MAGI1: variants seen among roughly 807,000 people sequenced by gnomAD.
MAGI1 encodes the protein membrane-associated guanylate kinase, WW and PDZ domain-containing protein 1.
A neutral mutation model predicts 139.9 loss-of-function variants in MAGI1; 58 were observed. That is an observed-to-expected ratio of 0.41 (90% confidence interval 0.34 to 0.52). The LOEUF (loss-of-function observed/expected upper bound fraction) is 0.52. Ranked by LOEUF, MAGI1 falls within the 20% of genes least tolerant of loss-of-function variation. MAGI1 has a pLI of 0.12. For missense variants in MAGI1, 1,874 were observed against 1,901.6 expected (o/e 0.99, Z 0.27); for synonymous variants, 812 against 737.9 (o/e 1.10, Z -1.63).
rs111453368 is a variant in MAGI1, at chr3:65,837,127, A to C, written c.313+200869T>G. Among the ~76,000 whole-genome samples, 544 of 152,294 alleles carry C rather than the reference A, an allele frequency of 3.6e-3. 4 individuals are homozygous for C. The highest frequency in any genetic ancestry group is 0.012 in the African/African-American group (519 of 41,568). On this transcript the variant is annotated intron_variant, in intron 1 of 22. Transcript: ENST00000402939. ...TTTCTTCAATGCAAAAAAAATAAAAAAATAAAAAACACAGAACTTGCTTCT... is the reference window on the plus strand; with the variant it reads ...TTTCTTCAATGCAAAAAAAATAAAACAATAAAAAACACAGAACTTGCTTCT...
In MAGI1 at chr3:65,429,971, C is replaced by A; in HGVS notation, c.1716G>T (p.Ser572=). The change falls in exon 12 of 23, where the codon TCG becomes TCT. Residue 572 remains serine (S), a synonymous_variant. Coordinates refer to ENST00000402939, the MANE Select transcript of MAGI1 (RefSeq NM_001033057.2). ...TTGGTTCTTTATCCAAAATGGCTAC[C>A]GAGGTCACTAAACTTGTATTGGGGT... ...PDDPNTSLVT[S]VAILDKEPII... is the part of the protein sequence containing the mutation. 1 of 1,613,948 alleles carries A rather than the reference C, an allele frequency of 6.2e-7. No individual in the cohort carries two copies. Among genetic ancestry groups the A allele is most frequent in the Middle Eastern group, 1.7e-4 (1 of 6,060 alleles).
chr3:65,459,989 C>G (rs183837265), intron 5 of MAGI1, among the ~76,000 whole-genome samples: 2 of 152,140 alleles, frequency 1.3e-5, no homozygotes, highest in East Asian at 3.8e-4. Context: ...TGTTTTCACA[C>G]TTGCAGGGAA....
chr3:65,670,617 A>AT (rs1422029860), intron 1 of MAGI1, among the ~76,000 whole-genome samples: 1 of 152,110 alleles, frequency 6.6e-6, no homozygotes, highest in African/African-American at 2.4e-5. Flanking sequence ...TCTTGCTAAG[A>AT]TTTTTTGCAA....
intron 1 of MAGI1, among the ~76,000 whole-genome samples, chr3:65,913,893 A>G (rs912354797): frequency 2.6e-5 from 4 of 152,150 alleles, no homozygotes; most frequent in Non-Finnish European, 5.9e-5. Context: ...TCTTCAATTC[A>G]AGGGGTTCTA....
At chr3:65,572,975 T>C (rs1348014786) in intron 2 of MAGI1, among the ~76,000 whole-genome samples, 1 of 151,996 alleles carries the variant, frequency 6.6e-6, no homozygotes, top group African/African-American at 2.4e-5. Flanking sequence ...ATTCAAGAAT[T>C]TTAATTTAGA....
chr3:65,639,924 C>T (rs1276830859), intron 1 of MAGI1, among the ~76,000 whole-genome samples: 1 of 151,710 alleles, frequency 6.6e-6, no homozygotes, highest in East Asian at 1.9e-4. Flanking sequence ...ATCGCTTGAA[C>T]CCAGGAAGCA....
intron 1 of MAGI1, among the ~76,000 whole-genome samples, chr3:65,805,668 C>A (rs2040807887): frequency 6.6e-6 from 1 of 152,086 alleles, no homozygotes; most frequent in African/African-American, 2.4e-5. Flanking sequence ...TTCACAATAG[C>A]AAAGACATGG....
intron 1 of MAGI1, among the ~76,000 whole-genome samples, chr3:65,891,942 A>ATATG (rs2060788079): frequency 1.1e-5 from 1 of 90,822 alleles, no homozygotes; most frequent in Non-Finnish European, 2.2e-5. Flanking sequence ...ATATATATAT[A>ATATG]CCCGTGTTGC....
At chr3:65,430,200 T>C (rs1324119598) in intron 11 of MAGI1, 60 bp from the exon 12 acceptor site, 2 of 1,532,506 alleles carry the variant, frequency 1.3e-6, no homozygotes, top group Non-Finnish European at 1.8e-6. Context: ...GTCATCAGTA[T>C]TATAATATCT....
chr3:65,448,697 TACACACAC>T (rs10591133), intron 6 of MAGI1, among the ~76,000 whole-genome samples: 28 of 149,776 alleles, frequency 1.9e-4, no homozygotes, highest in South Asian at 8.6e-4. Flanking sequence ...AGAAAACACA[TACACACAC>T]ACACACACAC....
intron 1 of MAGI1, among the ~76,000 whole-genome samples, chr3:65,646,258 C>T (rs993191203): frequency 5.3e-5 from 8 of 151,960 alleles, no homozygotes; most frequent in African/African-American, 1.9e-4. Context: ...ATGTTAATAT[C>T]AGACAATGTG....
intron 1 of MAGI1, among the ~76,000 whole-genome samples, chr3:65,797,548 C>T (rs1282824851): frequency 6.6e-6 from 1 of 151,982 alleles, no homozygotes; most frequent in African/African-American, 2.4e-5. Flanking sequence ...CATGGCAAAA[C>T]CCCATCTCTA....
At chr3:65,780,262 G>C (rs1359322846) in intron 1 of MAGI1, among the ~76,000 whole-genome samples, 3 of 152,140 alleles carry the variant, frequency 2.0e-5, no homozygotes, top group Non-Finnish European at 4.4e-5. Flanking sequence ...AGGCTCAAGT[G>C]ATCCCCCCGC....
At chr3:65,541,522 T>G (rs141242133) in intron 2 of MAGI1, among the ~76,000 whole-genome samples, 7 of 152,178 alleles carry the variant, frequency 4.6e-5, no homozygotes, top group African/African-American at 1.7e-4. Context: ...AAATCCTCAA[T>G]AAAATACTGG....
chr3:65,637,251 T>G (rs2084679569), intron 1 of MAGI1, among the ~76,000 whole-genome samples: 1 of 151,792 alleles, frequency 6.6e-6, no homozygotes, highest in African/African-American at 2.4e-5. Context: ...AAAGAGCATA[T>G]TAGAAAAAAA....
chr3:66,036,083 C>T (rs2068902939), intron 1 of MAGI1, among the ~76,000 whole-genome samples: 1 of 152,190 alleles, frequency 6.6e-6, no homozygotes, highest in Non-Finnish European at 1.5e-5. Context: ...GAACTGAGAC[C>T]TGCAGCTGCT....
At chr3:65,786,905 G>A (rs544046887) in intron 1 of MAGI1, among the ~76,000 whole-genome samples, 6 of 152,146 alleles carry the variant, frequency 3.9e-5, no homozygotes, top group Admixed American at 6.5e-5. Context: ...GTGAGCCACC[G>A]CGCAAGACCC....
chr3:65,782,441 T>C (rs2039006549), intron 1 of MAGI1, among the ~76,000 whole-genome samples: 1 of 152,018 alleles, frequency 6.6e-6, no homozygotes, highest in Non-Finnish European at 1.5e-5. Flanking sequence ...GCATCACCAG[T>C]CAGAACTGTA....
intron 1 of MAGI1, among the ~76,000 whole-genome samples, chr3:65,690,564 C>T (rs1284883394): frequency 6.6e-6 from 1 of 152,036 alleles, no homozygotes; most frequent in Non-Finnish European, 1.5e-5. Context: ...ACAACCTCCA[C>T]CTCCTGGGTT....
Sources: gnomAD v4.1 joint callset for allele counts (sites outside exome capture counted in the v4.1 genomes callset) on GRCh38, gnomAD v4.1.1 for gene constraint, MANE v1.5 for transcripts, NCBI Gene and HGNC (gene_info 2026-07-23, HGNC 2026-07-21) for gene names.